The following PPM1L variants were observed in gnomAD, a reference collection of about 807,000 sequenced individuals.
The protein encoded by PPM1L is protein phosphatase 1L.
PPM1L carries 13 observed loss-of-function variants against 31.4 expected under a neutral mutation model. The ratio of observed to expected loss-of-function variants is 0.41; its 90% CI spans 0.27 to 0.66. PPM1L has a LOEUF of 0.66. PPM1L is among the 30% of genes least tolerant of loss of function. The pLI is 0.29. For missense variants in PPM1L, 326 were observed against 453.7 expected (o/e 0.72, Z 2.56); for synonymous variants, 184 against 175.4 (o/e 1.05, Z -0.39).
At chr3:160,986,329 A>G (rs906026499) in intron 2 of PPM1L, among the ~76,000 whole-genome samples, 2 of 152,200 alleles carry the variant, frequency 1.3e-5, no homozygotes, top group Non-Finnish European at 2.9e-5. Context: ...TGCAGAGCCC[A>G]GAGGCTCCCA....
At chr3:160,836,323 A>T (rs974845436) in intron 1 of PPM1L, among the ~76,000 whole-genome samples, 5 of 147,632 alleles carry the variant, frequency 3.4e-5, no homozygotes, top group Middle Eastern at 3.6e-3. Flanking sequence ...AGGAAGAGAG[A>T]GAGAGAGAGA....
chr3:161,062,145 G>GGA (rs1491178766), intron 2 of PPM1L, among the ~76,000 whole-genome samples: 4 of 147,152 alleles, frequency 2.7e-5, no homozygotes, highest in African/African-American at 1.0e-4. Context: ...AGTGGGGGGG[G>GGA]AAAAAAAAAA....
At chr3:160,956,367 A>C (rs1000162102) in intron 1 of PPM1L, among the ~76,000 whole-genome samples, 12 of 152,160 alleles carry the variant, frequency 7.9e-5, no homozygotes, top group Non-Finnish European at 1.8e-4. Flanking sequence ...GTCTAACTGG[A>C]GGGAACCTGT....
intron 2 of PPM1L, among the ~76,000 whole-genome samples, chr3:160,980,357 A>T (rs1378436587): frequency 2.0e-5 from 3 of 152,050 alleles, no homozygotes; most frequent in Non-Finnish European, 4.4e-5. Context: ...TTGTGATATT[A>T]TACTTAATGG....
intron 2 of PPM1L, among the ~76,000 whole-genome samples, chr3:161,051,309 CCGAG>C (rs1719270038): frequency 6.6e-6 from 1 of 151,942 alleles, no homozygotes; most frequent in Non-Finnish European, 1.5e-5. Context: ...CCAGAAAACA[CCGAG>C]TACTTTGTAC....
chr3:161,058,139 T>TTTTGTTTTTTTTTTTTTTTTTTC (rs1719469724), intron 2 of PPM1L, among the ~76,000 whole-genome samples: 1 of 138,270 alleles, frequency 7.2e-6, no homozygotes, highest in Non-Finnish European at 1.6e-5. Flanking sequence ...TTTTTTTTTT[T>TTTTGTTTTTTTTTTTTTTTTTTC]TTTGACGCAG....
intron 2 of PPM1L, among the ~76,000 whole-genome samples, chr3:160,973,884 A>G (rs1428087899): frequency 7.6e-6 from 1 of 131,354 alleles, no homozygotes; most frequent in Non-Finnish European, 1.6e-5. Context: ...TGTATTTTTT[A>G]TTATACTTTA....
chr3:160,927,606 ATGTGTGTG>A (rs141545778), intron 1 of PPM1L, among the ~76,000 whole-genome samples: 4 of 148,358 alleles, frequency 2.7e-5, no homozygotes, highest in African/African-American at 9.9e-5. Flanking sequence ...TCATTTCCCT[ATGTGTGTG>A]TGTGTGTGTG....
intron 2 of PPM1L, among the ~76,000 whole-genome samples, chr3:161,027,212 T>C (rs1718425670): frequency 1.3e-5 from 2 of 152,200 alleles, no homozygotes; most frequent in Non-Finnish European, 2.9e-5. Context: ...TTTAGAAAGA[T>C]GGCTTTGACA....
chr3:160,845,013 A>C (rs751982795), intron 1 of PPM1L, among the ~76,000 whole-genome samples: 3 of 152,054 alleles, frequency 2.0e-5, no homozygotes, highest in Non-Finnish European at 4.4e-5. Context: ...GTCTTTTGTC[A>C]CTGGCTTCTT....
At chr3:160,786,807 A>T (rs187530280) in intron 1 of PPM1L, among the ~76,000 whole-genome samples, 1 of 152,000 alleles carries the variant, frequency 6.6e-6, no homozygotes, top group Admixed American at 6.6e-5. Flanking sequence ...GTCCATGTGT[A>T]CTCAATGTTT....
In PPM1L at chr3:161,069,142, A is replaced by T; in HGVS notation, c.1068A>T (p.Lys356Asn). ...VMVVKFRNSS[K>N]TEEQ ...TGGTGAAGTTCAGAAATAGCAGCAA[A>T]ACAGAAGAGCAGTGAACCCTTCAGG... The change falls in exon 4 of 4, where the codon AAA (lysine) becomes AAT (asparagine). Residue 356 changes from lysine to asparagine, a missense_variant. Lys to Asn is a moderately conservative substitution (Grantham distance 94, BLOSUM62 0). Transcript: ENST00000498165. The T allele has an allele frequency of 6.2e-7, 1 of 1,613,434 alleles. No homozygotes were observed. Among genetic ancestry groups the T allele is most frequent in the Non-Finnish European group, 8.5e-7 (1 of 1,179,706 alleles).
At chr3:160,888,355 A>T (rs1459218288) in intron 1 of PPM1L, among the ~76,000 whole-genome samples, 1 of 152,232 alleles carries the variant, frequency 6.6e-6, no homozygotes, top group Non-Finnish European at 1.5e-5. Context: ...AGCAAATGGA[A>T]AGCAAAGAAA....
At chr3:161,040,171 A>G (rs991738267) in intron 2 of PPM1L, among the ~76,000 whole-genome samples, 1 of 152,160 alleles carries the variant, frequency 6.6e-6, no homozygotes, top group African/African-American at 2.4e-5. Context: ...GCTTAGTGAA[A>G]TACACTCTTT....
At chr3:160,966,878 CAGAGA>C (rs1267505919) in intron 2 of PPM1L, among the ~76,000 whole-genome samples, 1 of 151,946 alleles carries the variant, frequency 6.6e-6, no homozygotes, top group Non-Finnish European at 1.5e-5. Context: ...ACTTGATTCA[CAGAGA>C]AAAGGTTCAA....
At chr3:160,895,556 G>T (rs528837684) in intron 1 of PPM1L, among the ~76,000 whole-genome samples, 3 of 152,094 alleles carry the variant, frequency 2.0e-5, no homozygotes, top group Non-Finnish European at 4.4e-5. Flanking sequence ...TAACCCCTCT[G>T]AACCTTTTTC....
intron 1 of PPM1L, among the ~76,000 whole-genome samples, chr3:160,846,361 A>G (rs1201632184): frequency 3.9e-5 from 6 of 151,982 alleles, no homozygotes; most frequent in African/African-American, 1.4e-4. Flanking sequence ...TCTAAGACAA[A>G]CTTCTGTTTC....
chr3:161,019,835 ATGT>A (rs1718190810), intron 2 of PPM1L, among the ~76,000 whole-genome samples: 1 of 152,098 alleles, frequency 6.6e-6, no homozygotes, highest in Non-Finnish European at 1.5e-5. Flanking sequence ...TAACTATAAA[ATGT>A]TGTGCTGCTG....
At position 161,065,397 on chromosome 3, in the gene PPM1L, T is replaced by TC; in HGVS notation, c.575-6_575-5insC. 3 of 1,613,414 alleles carry TC rather than the reference T, an allele frequency of 1.9e-6. No individual in the cohort carries two copies. The highest frequency in any genetic ancestry group is 2.5e-6 in the Non-Finnish European group (3 of 1,179,460). On this transcript the variant is annotated splice_region_variant and splice_polypyrimidine_tract_variant and intron_variant, in intron 2 of 3. Coordinates refer to ENST00000498165, the MANE Select transcript of PPM1L (RefSeq NM_139245.4). Reference sequence around the variant, plus strand: ...TCCCGCGTTCTCTCTCTCTTCTATTTTTCAGGCACAACGTGTTTGATTGCT... The same window carrying TC: ...TCCCGCGTTCTCTCTCTCTTCTATTTCTTCAGGCACAACGTGTTTGATTGCT...
Sources: gnomAD v4.1 joint callset for allele counts (sites outside exome capture counted in the v4.1 genomes callset) on GRCh38, gnomAD v4.1.1 for gene constraint, MANE v1.5 for transcripts, NCBI Gene and HGNC (gene_info 2026-07-23, HGNC 2026-07-21) for gene names.